Variants in RBFOX1 observed in about 807,000 individuals in gnomAD.
The protein encoded by RBFOX1 is RNA binding protein fox-1 homolog 1.
RBFOX1 carries 8 observed loss-of-function variants against 57.7 expected under a neutral mutation model. That is an observed-to-expected ratio of 0.14 (90% confidence interval 0.08 to 0.25). The LOEUF is 0.25. Among genes scored for constraint, RBFOX1 ranks in the 10% least tolerant of loss-of-function variants. The pLI is 1.00. For synonymous variants in RBFOX1, 326 were observed against 222.4 expected (o/e 1.47, Z -4.15); for missense variants, 611 against 548.5 (o/e 1.11, Z -1.14).
At chr16:7,564,961 C>T (rs1395576) in intron 5 of RBFOX1, among the ~76,000 whole-genome samples, 4,173 of 152,196 alleles carry the variant, frequency 0.027, 92 homozygotes, top group Non-Finnish European at 0.04. Context: ...GTCACCTGGC[C>T]GTGGAATCAG....
At chr16:5,369,352 C>T (rs1302665939) in intron 1 of RBFOX1, among the ~76,000 whole-genome samples, 1 of 152,144 alleles carries the variant, frequency 6.6e-6, no homozygotes, top group African/African-American at 2.4e-5. Flanking sequence ...GTCCCTTAGC[C>T]GTCTTTATCC....
chr16:5,509,449 A>G (rs561197073), intron 2 of RBFOX1, among the ~76,000 whole-genome samples: 9 of 152,300 alleles, frequency 5.9e-5, no homozygotes, highest in East Asian at 5.8e-4. Flanking sequence ...TCTGTTCACA[A>G]TTGTGTCTCC....
chr16:6,492,313 G>A (rs558811418), intron 2 of RBFOX1, among the ~76,000 whole-genome samples: 8 of 152,316 alleles, frequency 5.3e-5, no homozygotes, highest in African/African-American at 1.9e-4. Flanking sequence ...GCCCACGCCT[G>A]TAATCCAACA....
chr16:6,483,338 G>T (rs1212351681), intron 2 of RBFOX1: 4 of 1,473,548 alleles, frequency 2.7e-6, no homozygotes, highest in East Asian at 5.0e-5. Context: ...ACCTGCTGGC[G>T]GTCGTGCCAG....
At chr16:5,307,796 C>T (rs1405392898) in intron 1 of RBFOX1, among the ~76,000 whole-genome samples, 2 of 152,148 alleles carry the variant, frequency 1.3e-5, no homozygotes, top group African/African-American at 4.8e-5. Flanking sequence ...ACCTCAGCCC[C>T]CTGAGTAGCT....
chr16:6,511,046 A>G (rs2096246143), intron 2 of RBFOX1, among the ~76,000 whole-genome samples: 1 of 152,148 alleles, frequency 6.6e-6, no homozygotes, highest in Non-Finnish European at 1.5e-5. Flanking sequence ...TAAAAGCAAC[A>G]TTGAGGTTGC....
intron 2 of RBFOX1, among the ~76,000 whole-genome samples, chr16:5,561,050 T>C (rs2045873216): frequency 1.3e-5 from 2 of 152,308 alleles, no homozygotes; most frequent in East Asian, 3.9e-4. Context: ...ATTGCAACTT[T>C]GGGTTTTATC....
intron 2 of RBFOX1, among the ~76,000 whole-genome samples, chr16:6,502,062 T>G (rs767589427): frequency 6.6e-5 from 10 of 152,174 alleles, no homozygotes; most frequent in East Asian, 3.9e-4. Context: ...TTTCCTAGTT[T>G]CCAGGGAATG....
chr16:6,121,643 G>T (rs868610866), intron 1 of RBFOX1, among the ~76,000 whole-genome samples: 1 of 152,162 alleles, frequency 6.6e-6, no homozygotes, highest in Non-Finnish European at 1.5e-5. Context: ...GGGGACATCT[G>T]TTCCTCTGGG....
intron 3 of RBFOX1, among the ~76,000 whole-genome samples, chr16:6,938,821 A>C (rs957450988): frequency 7.2e-5 from 11 of 152,096 alleles, no homozygotes; most frequent in Non-Finnish European, 1.5e-4. Context: ...AATCCCAGCT[A>C]CTCGGTAGGC....
intron 4 of RBFOX1, among the ~76,000 whole-genome samples, chr16:7,139,863 G>A (rs889392198): frequency 6.6e-6 from 1 of 152,196 alleles, no homozygotes; most frequent in Admixed American, 6.5e-5. Flanking sequence ...TGAGGAGGAA[G>A]CTAAGACCCT....
At chr16:5,803,657 C>G (rs910405663) in intron 3 of RBFOX1, among the ~76,000 whole-genome samples, 23 of 152,124 alleles carry the variant, frequency 1.5e-4, no homozygotes, top group African/African-American at 5.6e-4. Context: ...TGCTAGAATT[C>G]TACAAAGAGA....
chr16:5,924,834 G>T (rs773729418), intron 4 of RBFOX1, among the ~76,000 whole-genome samples: 1 of 152,160 alleles, frequency 6.6e-6, no homozygotes, highest in Admixed American at 6.5e-5. Context: ...TCCCAAGGAT[G>T]GACGTGATGC....
Position 5,759,320 on chromosome 16 carries a change from A to G in RBFOX1, c.319-107983A>G, listed in dbSNP as rs556361016. Among the ~76,000 whole-genome samples the G allele has an allele frequency of 7.2e-5, 11 of 152,286 alleles. No individual in the cohort carries two copies. The East Asian group carries it at 1.9e-3, about 27-fold the overall frequency. ...TGTTTGCCCATAGTGGGAATTGGTGAACTTCTTAGAGAGATGTATCTCTGT... is the reference window on the plus strand; with the variant it reads ...TGTTTGCCCATAGTGGGAATTGGTGGACTTCTTAGAGAGATGTATCTCTGT... On this transcript the variant is annotated intron_variant, in intron 3 of 19. Coordinates refer to the RBFOX1 transcript ENST00000641259.
At chr16:6,739,012 C>T (rs1170319865) in intron 3 of RBFOX1, among the ~76,000 whole-genome samples, 2 of 151,988 alleles carry the variant, frequency 1.3e-5, no homozygotes, top group African/African-American at 4.8e-5. Flanking sequence ...AATGTATACC[C>T]CTAAATGCTT....
rs190366890 is a variant in RBFOX1 at position 6,287,297 on chromosome 16, T to C, written c.-126-29698T>C. On this transcript the variant is annotated intron_variant, in intron 1 of 15. Coordinates refer to ENST00000550418, the MANE Select transcript of RBFOX1 (RefSeq NM_018723.4). ...CAACGAGTGCCACCAAAAATAGTCA[T>C]GGTGTTGCCAGCTCTATCTTGTCTA... Among the ~76,000 whole-genome samples, 282 of 152,320 alleles carry C rather than the reference T, an allele frequency of 1.9e-3. 3 individuals carry two copies. The highest frequency in any genetic ancestry group is 6.1e-3 in the African/African-American group (255 of 41,584).
At chr16:5,806,733 A>T (rs1458886133) in intron 3 of RBFOX1, among the ~76,000 whole-genome samples, 1 of 152,180 alleles carries the variant, frequency 6.6e-6, no homozygotes, top group Admixed American at 6.5e-5. Flanking sequence ...AAGCTAAACA[A>T]ACCTGGTAAT....
intron 4 of RBFOX1, among the ~76,000 whole-genome samples, chr16:7,353,379 G>A (rs776545551): frequency 3.9e-5 from 6 of 152,094 alleles, no homozygotes; most frequent in Middle Eastern, 3.2e-3. Context: ...GTAAAATTCC[G>A]CAGCTACTTA....
At chr16:5,298,196 T>A (rs1443315612) in intron 1 of RBFOX1, among the ~76,000 whole-genome samples, 1 of 152,216 alleles carries the variant, frequency 6.6e-6, no homozygotes, top group East Asian at 1.9e-4. Context: ...TTTGGATTTT[T>A]ATGTGAAATT....
Sources: allele counts gnomAD v4.1 joint callset (sites outside exome capture counted in the v4.1 genomes callset), GRCh38; gene constraint gnomAD v4.1.1; transcripts MANE v1.5; gene names NCBI Gene and HGNC (gene_info 2026-07-23, HGNC 2026-07-21).